ZRANB3: variants seen among roughly 807,000 people sequenced by gnomAD.
The protein encoded by ZRANB3 is zinc finger RANBP2-type containing 3.
Under a neutral mutation model 133.8 loss-of-function variants are expected in ZRANB3, and 125 were observed. The ratio of observed to expected loss-of-function variants is 0.93; its 90% CI spans 0.81 to 1.08. ZRANB3 has a LOEUF of 1.08. Ranked by LOEUF, ZRANB3 falls within the 50% of genes least tolerant of loss-of-function variation. The pLI is 0.00. For missense variants in ZRANB3, 1,229 were observed against 1,275.5 expected (o/e 0.96, Z 0.56); for synonymous variants, 387 against 432.7 (o/e 0.89, Z 1.31).
At chr2:135,299,012 C>A (rs1682300865) in intron 8 of ZRANB3, among the ~76,000 whole-genome samples, 1 of 152,098 alleles carries the variant, frequency 6.6e-6, no homozygotes, top group Non-Finnish European at 1.5e-5. Context: ...ACAAGCTTGT[C>A]TAAAGTCCCT....
At chr2:135,472,520 A>C (rs1029444601) in intron 2 of ZRANB3, among the ~76,000 whole-genome samples, 13 of 151,212 alleles carry the variant, frequency 8.6e-5, no homozygotes, top group African/African-American at 3.2e-4. Flanking sequence ...AAAAAAAAAA[A>C]CTCACAGATG....
chr2:135,511,164 T>A lies in ZRANB3; in HGVS notation c.-7-6668A>T, dbSNP rs191654667. The A allele has an allele frequency of 5.1e-5, 40 of 780,124 alleles. No individual in the cohort carries two copies. In the East Asian group the frequency reaches 9.7e-4, roughly 19 times the overall value. 48.3% of individuals were successfully genotyped at this position (780,124 alleles called of 1,614,324 possible). On this transcript the variant is annotated intron_variant, in intron 1 of 20. Transcript: ENST00000264159. ...AGTAACTGGAACAGCTCCACTGGGTTGAAGGTTGTTACTGGTCACAGATGC... is the reference window on the plus strand; with the variant it reads ...AGTAACTGGAACAGCTCCACTGGGTAGAAGGTTGTTACTGGTCACAGATGC...
At chr2:135,467,011 G>C (rs1489779796) in intron 2 of ZRANB3, among the ~76,000 whole-genome samples, 1 of 152,138 alleles carries the variant, frequency 6.6e-6, no homozygotes, top group East Asian at 1.9e-4. Context: ...TAGAAAAAAG[G>C]TTAGATTCTT....
chr2:135,296,387 G>A (rs1214533270), intron 8 of ZRANB3, among the ~76,000 whole-genome samples: 3 of 152,128 alleles, frequency 2.0e-5, no homozygotes, highest in Non-Finnish European at 4.4e-5. Context: ...TGAGGCTTGT[G>A]CCTTCGTCAT....
chr2:135,204,064 A>G (rs1382808033), intron 19 of ZRANB3, among the ~76,000 whole-genome samples: 3 of 152,154 alleles, frequency 2.0e-5, no homozygotes, highest in Non-Finnish European at 4.4e-5. Context: ...GGAACCCATG[A>G]TTATGTATAA....
chr2:135,219,923 G>T (rs1328057634), intron 15 of ZRANB3, among the ~76,000 whole-genome samples: 1 of 151,950 alleles, frequency 6.6e-6, no homozygotes, highest in Admixed American at 6.6e-5. Flanking sequence ...CCAGGCTGGG[G>T]TGCGGCAGCA....
chr2:135,404,294 T>C (rs549322260), intron 2 of ZRANB3, among the ~76,000 whole-genome samples: 1 of 152,158 alleles, frequency 6.6e-6, no homozygotes, highest in Non-Finnish European at 1.5e-5. Context: ...ACGAGAACTA[T>C]GTGACAAATG....
intron 2 of ZRANB3, among the ~76,000 whole-genome samples, chr2:135,416,064 C>G (rs548075967): frequency 1.5e-4 from 23 of 152,050 alleles, no homozygotes; most frequent in African/African-American, 4.4e-4. Flanking sequence ...GGGATGCCCT[C>G]GCTCATCACT....
intron 2 of ZRANB3, among the ~76,000 whole-genome samples, chr2:135,425,259 T>C (rs546305307): frequency 2.2e-4 from 34 of 152,076 alleles, no homozygotes; most frequent in African/African-American, 7.5e-4. Context: ...AACAAAACAA[T>C]AGCTACGCAG....
intron 17 of ZRANB3, among the ~76,000 whole-genome samples, chr2:135,215,014 C>T (rs769465232): frequency 6.6e-6 from 1 of 152,060 alleles, no homozygotes; most frequent in East Asian, 1.9e-4. Flanking sequence ...ACCTCCTGGG[C>T]TCAGGTGATC....
intron 2 of ZRANB3, among the ~76,000 whole-genome samples, chr2:135,426,858 AAAAAAATATATATATATATATATATAT>A (rs1240394807): frequency 1.2e-4 from 6 of 49,602 alleles, no homozygotes; most frequent in African/African-American, 6.9e-4. Flanking sequence ...AAAAAAAAAA[AAAAAAATATATATATATATATATATAT>A]ATATATATAT....
intron 2 of ZRANB3, among the ~76,000 whole-genome samples, chr2:135,415,668 A>G (rs980239388): frequency 2.8e-4 from 43 of 152,356 alleles, no homozygotes; most frequent in Admixed American, 7.2e-4. Context: ...AGAGAATTTT[A>G]GACCAATATC....
rs562295719 is a variant in ZRANB3, at chr2:135,449,299, A to G, written c.161+55030T>C. Among the ~76,000 whole-genome samples the G allele has an allele frequency of 8.1e-4, 124 of 152,302 alleles. 1 individual carries two copies. The highest frequency in any genetic ancestry group is 2.6e-3 in the African/African-American group (110 of 41,576). On this transcript the variant is annotated intron_variant, in intron 2 of 20. Coordinates refer to ENST00000264159, the MANE Select transcript of ZRANB3 (RefSeq NM_032143.4). ...CCCAGCCAAACCCCTGAACCATTAC[A>G]GATAATAAAACAAGCAATGGTATTT...
intron 12 of ZRANB3, among the ~76,000 whole-genome samples, chr2:135,240,140 T>C (rs982893360): frequency 3.9e-5 from 6 of 151,950 alleles, no homozygotes; most frequent in African/African-American, 1.2e-4. Context: ...CAAGGAGTTC[T>C]AGACCAGCCT....
At chr2:135,481,135 T>A (rs1691782561) in intron 2 of ZRANB3, among the ~76,000 whole-genome samples, 1 of 151,644 alleles carries the variant, frequency 6.6e-6, no homozygotes, top group Non-Finnish European at 1.5e-5. Flanking sequence ...TACCCAGTAA[T>A]GGGATGGCTG....
At chr2:135,340,318 C>T (rs1489980762) in intron 6 of ZRANB3, among the ~76,000 whole-genome samples, 1 of 151,886 alleles carries the variant, frequency 6.6e-6, no homozygotes, top group African/African-American at 2.4e-5. Context: ...GTTGGCCAAA[C>T]TGGTCTCGAA....
intron 1 of ZRANB3, among the ~76,000 whole-genome samples, chr2:135,514,493 T>C (rs1477455919): frequency 2.0e-5 from 3 of 152,262 alleles, no homozygotes; most frequent in Non-Finnish European, 4.4e-5. Flanking sequence ...ACTGATTTTG[T>C]ATCCTGAGAC....
intron 2 of ZRANB3, among the ~76,000 whole-genome samples, chr2:135,473,115 C>A (rs920786711): frequency 6.6e-6 from 1 of 152,164 alleles, no homozygotes; most frequent in African/African-American, 2.4e-5. Flanking sequence ...ACTTTATCAT[C>A]CCAAACTAAA....
intron 17 of ZRANB3, 63 bp downstream of exon 17, chr2:135,217,402 C>T (rs934510739): frequency 7.0e-7 from 1 of 1,438,688 alleles, no homozygotes; most frequent in Non-Finnish European, 9.2e-7. Context: ...TGCCTCAGAC[C>T]CCCCTGTAGA....
Sources: allele counts gnomAD v4.1 joint callset (sites outside exome capture counted in the v4.1 genomes callset), GRCh38; gene constraint gnomAD v4.1.1; transcripts MANE v1.5; gene names NCBI Gene and HGNC (gene_info 2026-07-23, HGNC 2026-07-21).